Variants in LRRFIP2 observed in about 807,000 individuals in gnomAD.
LRRFIP2 encodes the protein LRR binding FLII interacting protein 2, also known as leucine-rich repeat flightless-interacting protein 2.
In LRRFIP2, 109 loss-of-function variants were observed where a neutral mutation model predicts 125.9. The ratio of observed to expected loss-of-function variants is 0.87; its 90% CI spans 0.74 to 1.01. LRRFIP2 has a LOEUF of 1.01. Ranked by LOEUF, LRRFIP2 falls within the 50% of genes least tolerant of loss-of-function variation. The pLI, the probability that LRRFIP2 is intolerant of heterozygous loss-of-function variation, is 0.00. For missense variants in LRRFIP2, 850 were observed against 862.3 expected (o/e 0.99, Z 0.18); for synonymous variants, 291 against 293.1 (o/e 0.99, Z 0.07).
chr3:37,083,628 AG>A lies in LRRFIP2; in HGVS notation c.1278+7del. On this transcript the variant is annotated splice_region_variant and intron_variant, in intron 19 of 27. Coordinates refer to ENST00000336686, the MANE Select transcript of LRRFIP2 (RefSeq NM_006309.4). ...CTGCCCCAAGAGAAAATACAAGATA[AG>A]CATTACCTTTGATTTTTCTTCATTT... 1 of 1,544,498 alleles carries A rather than the reference AG, an allele frequency of 6.5e-7. No homozygotes were observed. The highest frequency in any genetic ancestry group is 8.7e-7 in the Non-Finnish European group (1 of 1,153,776).
At chr3:37,074,279 A>G (rs1398520143) in intron 20 of LRRFIP2, among the ~76,000 whole-genome samples, 2 of 152,316 alleles carry the variant, frequency 1.3e-5, no homozygotes, top group East Asian at 3.9e-4. Flanking sequence ...ATCATTAACA[A>G]TCTATGCTTC....
intron 25 of LRRFIP2, among the ~76,000 whole-genome samples, chr3:37,057,642 T>C (rs993284712): frequency 1.2e-4 from 19 of 152,084 alleles, no homozygotes; most frequent in African/African-American, 4.1e-4. Flanking sequence ...GCTGGGATTA[T>C]GGGTGCGGGC....
intron 2 of LRRFIP2, among the ~76,000 whole-genome samples, chr3:37,148,339 A>T (rs1354770958): frequency 6.6e-6 from 1 of 152,218 alleles, no homozygotes; most frequent in Non-Finnish European, 1.5e-5. Flanking sequence ...GAGGAAGAAA[A>T]GGAAAAGAAA....
intron 4 of LRRFIP2, among the ~76,000 whole-genome samples, chr3:37,123,623 T>C (rs1336330167): frequency 6.6e-6 from 1 of 152,216 alleles, no homozygotes; most frequent in Non-Finnish European, 1.5e-5. Context: ...TACAGCTTAG[T>C]AAGTGGTAAT....
chr3:37,063,653 A>ATCAG, intron 24 of LRRFIP2, 89 bp downstream of exon 24: 1 of 942,040 alleles, frequency 1.1e-6, no homozygotes, highest in Non-Finnish European at 1.7e-6. Flanking sequence ...TGAAAGAAGC[A>ATCAG]TATTTTTTTA....
intron 14 of LRRFIP2, among the ~76,000 whole-genome samples, chr3:37,104,443 G>A (rs2094217935): frequency 6.6e-6 from 1 of 152,116 alleles, no homozygotes; most frequent in Non-Finnish European, 1.5e-5. Flanking sequence ...CTTTGCTAAG[G>A]AACTAAAACG....
At chr3:37,072,437 G>A (rs184994844) in intron 21 of LRRFIP2, among the ~76,000 whole-genome samples, 2 of 150,136 alleles carry the variant, frequency 1.3e-5, no homozygotes, top group South Asian at 2.1e-4. Context: ...AGGAGGCAGA[G>A]GTTGTAGTGA....
At chr3:37,084,739 C>A (rs1290436708) in intron 18 of LRRFIP2, among the ~76,000 whole-genome samples, 1 of 151,726 alleles carries the variant, frequency 6.6e-6, no homozygotes, top group Admixed American at 6.6e-5. Flanking sequence ...AAAGGTACCA[C>A]AAAATGCCTG....
chr3:37,056,947 G>A (rs1380149265), intron 25 of LRRFIP2, among the ~76,000 whole-genome samples: 1 of 152,014 alleles, frequency 6.6e-6, no homozygotes. Flanking sequence ...GTTTTCAAAA[G>A]TTTAAGTCTC....
intron 1 of LRRFIP2, among the ~76,000 whole-genome samples, chr3:37,156,606 G>T (rs1050886880): frequency 6.9e-6 from 1 of 144,976 alleles, no homozygotes. Context: ...CCTGGGAGGC[G>T]GAGCTTGCAG....
intron 1 of LRRFIP2, among the ~76,000 whole-genome samples, chr3:37,160,249 T>C (rs2150216645): frequency 6.6e-6 from 1 of 152,150 alleles, no homozygotes; most frequent in South Asian, 2.1e-4. Flanking sequence ...TTCAGCCCCC[T>C]TTAAATCACC....
chr3:37,105,392 T>C (rs2094267456), intron 14 of LRRFIP2, 63 bp downstream of exon 14: 1 of 1,312,318 alleles, frequency 7.6e-7, no homozygotes, highest in Non-Finnish European at 1.1e-6. Flanking sequence ...ACAGACTTCA[T>C]GTGATCATGC....
chr3:37,167,811 C>T (rs574554483), intron 1 of LRRFIP2, among the ~76,000 whole-genome samples: 31 of 152,080 alleles, frequency 2.0e-4, no homozygotes, highest in African/African-American at 6.3e-4. Context: ...CTCATCTCTA[C>T]AAAATATACA....
intron 2 of LRRFIP2, among the ~76,000 whole-genome samples, chr3:37,136,921 C>T (rs548432616): frequency 1.5e-5 from 2 of 129,872 alleles, no homozygotes; most frequent in South Asian, 4.7e-4. Flanking sequence ...TGACCACTTA[C>T]TTAGCAAGGA....
At chr3:37,145,417 A>G in intron 2 of LRRFIP2, among the ~76,000 whole-genome samples, 1 of 152,220 alleles carries the variant, frequency 6.6e-6, no homozygotes, top group East Asian at 1.9e-4. Context: ...TAATATAAAT[A>G]CTTGTGAGAG....
intron 2 of LRRFIP2, among the ~76,000 whole-genome samples, chr3:37,139,889 A>T (rs2095649561): frequency 6.6e-6 from 1 of 151,482 alleles, no homozygotes; most frequent in African/African-American, 2.4e-5. Flanking sequence ...TTCACTTCTC[A>T]CTCTCTTCAA....
Position 37,053,020 on chromosome 3 carries a change from G to A in LRRFIP2, c.*831C>T. On this transcript the variant is annotated 3_prime_UTR_variant, in exon 28 of 28. Transcript: ENST00000336686. ...AGTAGCCAATTGTGGTTGGCAAAAG[G>A]GTGTATTTAATAGAATCTGCAGGCA... 1 of 152,524 alleles carries A rather than the reference G, an allele frequency of 6.6e-6. No individual in the cohort carries two copies. The highest frequency in any genetic ancestry group is 1.9e-4 in the East Asian group (1 of 5,182). 9.4% of individuals were successfully genotyped at this position (152,524 alleles called of 1,614,324 possible).
At chr3:37,086,565 C>T (rs1375935040) in intron 18 of LRRFIP2, among the ~76,000 whole-genome samples, 1 of 152,030 alleles carries the variant, frequency 6.6e-6, no homozygotes, top group Non-Finnish European at 1.5e-5. Flanking sequence ...TGACAGATAA[C>T]ATGACATGGG....
chr3:37,117,606 TA>T (rs567008363), intron 6 of LRRFIP2, among the ~76,000 whole-genome samples: 2,502 of 151,534 alleles, frequency 0.017, 38 homozygotes, highest in Non-Finnish European at 0.026. Context: ...CTTTAAAAGT[TA>T]AAAAAAAATC....
Sources: allele counts gnomAD v4.1 joint callset (sites outside exome capture counted in the v4.1 genomes callset), GRCh38; gene constraint gnomAD v4.1.1; transcripts MANE v1.5; gene names NCBI Gene and HGNC (gene_info 2026-07-23, HGNC 2026-07-21).